Variants in RLIM observed in about 807,000 individuals in gnomAD.
RLIM encodes the protein ring finger protein, LIM domain interacting, also known as E3 ubiquitin-protein ligase RLIM.
A neutral mutation model predicts 34.0 loss-of-function variants in RLIM; 2 were observed. The ratio of observed to expected loss-of-function variants is 0.06; its 90% CI spans 0.02 to 0.19. The LOEUF (loss-of-function observed/expected upper bound fraction) is 0.19. RLIM is among the 10% of genes least tolerant of loss of function. RLIM has a pLI of 1.00. For synonymous variants in RLIM, 169 were observed against 164.0 expected, an observed-to-expected ratio of 1.03 and a Z score of -0.23; for missense variants, 286 against 479.7, an observed-to-expected ratio of 0.60 and a Z score of 3.77.
At position 74,592,685 on chromosome X, in the gene RLIM, C is replaced by T. The variant is rs1362117330; in HGVS notation, c.630G>A (p.Arg210=). ...GATGGTCTGGGCTCCTGCTTCTTGC[C>T]CTCCTCTGACCTCTGGTAGGTGGGA... is the stretch of plus-strand genomic sequence containing the variant. ...TEVPPTRGQR[R]ARSRSPDHRR... The change falls in exon 4 of 4, where the codon AGG becomes AGA. Residue 210 remains arginine (R), a synonymous_variant. Transcript: ENST00000332687. The T allele has an allele frequency of 2.5e-6, 3 of 1,209,715 alleles. No homozygotes were observed. The highest frequency in any genetic ancestry group is 3.4e-6 in the Non-Finnish European group (3 of 895,038).
intron 1 of RLIM, among the ~76,000 whole-genome samples, chrX:74,598,660 T>G (rs1477781927): frequency 9.3e-6 from 1 of 107,525 alleles, no homozygotes; most frequent in African/African-American, 3.4e-5. Context: ...GCGCCTGTAG[T>G]CCCAGCTACT....
intron 1 of RLIM, among the ~76,000 whole-genome samples, chrX:74,603,195 C>T (rs903482316): frequency 7.2e-5 from 8 of 110,607 alleles, no homozygotes; most frequent in African/African-American, 2.6e-4. Flanking sequence ...TAGTAAGCTA[C>T]ATACTCCAGT....
In RLIM at chrX:74,589,976, C is replaced by T. The variant is rs2079605108; in HGVS notation, c.*1464G>A. The T allele has an allele frequency of 8.9e-6, 1 of 111,876 alleles. No homozygotes were observed. The highest frequency in any genetic ancestry group is 2.8e-4 in the East Asian group (1 of 3,575). The allele number at this position is 111,876 out of a possible 1,213,427, so 9.2% of individuals were successfully genotyped here. ...ATTAAAATTTGAATTTCAAATAACC[C>T]AACATGACTTTCAACAAAGGATAAA... On this transcript the variant is annotated 3_prime_UTR_variant, in exon 4 of 4. Transcript: ENST00000332687.
At chrX:74,610,325 G>A (rs1380505853) in intron 1 of RLIM, among the ~76,000 whole-genome samples, 2 of 110,874 alleles carry the variant, frequency 1.8e-5, no homozygotes, top group African/African-American at 3.3e-5. Context: ...GCTGAGGCAG[G>A]AGAACCGCTT....
intron 1 of RLIM, among the ~76,000 whole-genome samples, chrX:74,601,365 A>C (rs192535790): frequency 2.4e-3 from 267 of 110,914 alleles, no homozygotes; most frequent in African/African-American, 8.4e-3. Flanking sequence ...ATCTTCAAAA[A>C]AAGTGAGATC....
rs2147370344 is a variant in RLIM at position 74,589,106 on chromosome X, T to C, written c.*2334A>G. 8.9e-6 allele frequency: 1 copy of C among 112,025 alleles called. No individual in the cohort carries two copies. Among genetic ancestry groups the C allele is most frequent in the South Asian group, 3.7e-4 (1 of 2,707 alleles). The allele number at this position is 112,025 out of a possible 1,213,427, so 9.2% of individuals were successfully genotyped here. A position where few individuals can be genotyped will look rare whatever the true frequency, so the allele number is the denominator to read the frequency against. Reference sequence around the variant, plus strand: ...CTACATTCATAGCCAGCATTCTGCTTGAGTTACCTCTTACTTTAATACTTC... The same window carrying C: ...CTACATTCATAGCCAGCATTCTGCTCGAGTTACCTCTTACTTTAATACTTC... On this transcript the variant is annotated 3_prime_UTR_variant, in exon 4 of 4. Coordinates refer to ENST00000332687, the MANE Select transcript of RLIM (RefSeq NM_016120.4).
At chrX:74,601,178 G>A (rs2079659722) in intron 1 of RLIM, among the ~76,000 whole-genome samples, 1 of 111,856 alleles carries the variant, frequency 8.9e-6, no homozygotes, top group Non-Finnish European at 1.9e-5. Flanking sequence ...AACAGAAGAC[G>A]GAAGAGTCAC....
In RLIM at chrX:74,594,339, C is replaced by T; in HGVS notation, c.220G>A (p.Gly74Ser). Residue 74 changes from glycine to serine, a missense_variant, in exon 3 of 4, where the codon GGC becomes AGC. Gly to Ser is a moderately conservative substitution (Grantham distance 56). Around this residue, in one of 6 missense-constraint regions of RLIM, gnomAD observed 62 missense variants for 71.3 expected, o/e 0.87. Coordinates refer to ENST00000332687, the MANE Select transcript of RLIM (RefSeq NM_016120.4). ...TCATCTGAGTTTTGCGGTGGTGGGC[C>T]TTCTTTAATTTGCTGTAGTCGTCTC... ...LLRRLQQIKE[G>S]PPPQNSDENR... The T allele has an allele frequency of 8.3e-7, 1 of 1,207,963 alleles. No individual in the cohort carries two copies. The highest frequency in any genetic ancestry group is 1.1e-6 in the Non-Finnish European group (1 of 894,304).
chrX:74,609,360 C>T (rs760637262), intron 1 of RLIM, among the ~76,000 whole-genome samples: 8 of 107,154 alleles, frequency 7.5e-5, no homozygotes, highest in African/African-American at 1.4e-4. Flanking sequence ...TAGTGGTGGG[C>T]GCCTGTAGTC....
At chrX:74,598,734 G>A (rs189799387) in intron 1 of RLIM, among the ~76,000 whole-genome samples, 1,350 of 103,661 alleles carry the variant, frequency 0.013, 19 homozygotes, top group African/African-American at 0.037. Flanking sequence ...AGCAGAGATC[G>A]CGCCACTGCA....
chrX:74,597,072 T>C (rs769023424), intron 1 of RLIM, among the ~76,000 whole-genome samples: 1 of 112,224 alleles, frequency 8.9e-6, no homozygotes, highest in African/African-American at 3.2e-5. Flanking sequence ...TTCAAAAAGT[T>C]AGAAAATTTA....
intron 1 of RLIM, 83 bp downstream of exon 1, chrX:74,614,339 T>C (rs2079727959): frequency 8.9e-6 from 1 of 112,666 alleles, no homozygotes; most frequent in Non-Finnish European, 1.9e-5. Flanking sequence ...TCGGGCCATT[T>C]TGAGAGAACG....
chrX:74,594,415 G>T (rs1041019412), intron 2 of RLIM, 26 bp from the exon 3 acceptor site: 10 of 1,032,421 alleles, frequency 9.7e-6, no homozygotes, highest in Non-Finnish European at 1.3e-5. Flanking sequence ...ACAGGGCAAA[G>T]ATGACATTAG....
At chrX:74,609,739 A>G (rs978327251) in intron 1 of RLIM, among the ~76,000 whole-genome samples, 20 of 110,268 alleles carry the variant, frequency 1.8e-4, no homozygotes, top group Non-Finnish European at 3.6e-4. Flanking sequence ...TCTCCCTTTC[A>G]CTCTCAAAAG....
At position 74,586,065 on chromosome X, in the gene RLIM, T is replaced by C. The variant is rs1326560710; in HGVS notation, c.*5375A>G. ...GTAAACAACTATACCAAAGCAGCTC[T>C]TCCTGGGAGAAGATAAAACAGGCAC... On this transcript the variant is annotated 3_prime_UTR_variant, in exon 4 of 4. Coordinates refer to ENST00000332687, the MANE Select transcript of RLIM (RefSeq NM_016120.4). The C allele has an allele frequency of 8.9e-6, 1 of 111,923 alleles. No homozygotes were observed. Among genetic ancestry groups the C allele is most frequent in the Non-Finnish European group, 1.9e-5 (1 of 53,281 alleles). 9.2% of individuals were successfully genotyped at this position (111,923 alleles called of 1,213,427 possible).
chrX:74,600,569 A>C (rs1394186358), intron 1 of RLIM, among the ~76,000 whole-genome samples: 1 of 111,835 alleles, frequency 8.9e-6, no homozygotes, highest in African/African-American at 3.2e-5. Context: ...TCTGAAAACA[A>C]CTGCAGGGTT....
At chrX:74,595,695 A>G (rs951362543) in intron 2 of RLIM, 114 bp downstream of exon 2, 1 of 483,517 alleles carries the variant, frequency 2.1e-6, no homozygotes, top group African/African-American at 2.4e-5. Context: ...CATATCCCCT[A>G]TGTTAAATAA....
In RLIM at chrX:74,583,351, T is replaced by G; in HGVS notation, c.*8089A>C. On this transcript the variant is annotated 3_prime_UTR_variant, in exon 4 of 4. Transcript: ENST00000332687. ...TGCTCTTGAGGGGCAGATGCCAACA[T>G]GGAAACAGTCAAAGGTTCCTGACCT... is the stretch of plus-strand genomic sequence containing the variant. 1 of 846,640 alleles carries G rather than the reference T, an allele frequency of 1.2e-6. No individual in the cohort carries two copies. Among genetic ancestry groups the G allele is most frequent in the Non-Finnish European group, 1.8e-6 (1 of 561,116 alleles). 69.8% of individuals were successfully genotyped at this position (846,640 alleles called of 1,213,427 possible).
intron 1 of RLIM, among the ~76,000 whole-genome samples, chrX:74,610,032 C>T (rs1414145847): frequency 8.9e-6 from 1 of 112,137 alleles, no homozygotes; most frequent in Non-Finnish European, 1.9e-5. Flanking sequence ...GCAAGAAATC[C>T]ACCAATCTAT....
Sources: allele counts gnomAD v4.1 joint callset (sites outside exome capture counted in the v4.1 genomes callset), GRCh38; gene constraint gnomAD v4.1.1; regional missense constraint gnomAD v4.1.1; transcripts MANE v1.5; gene names NCBI Gene and HGNC (gene_info 2026-07-23, HGNC 2026-07-21).